The following THSD7B variants were observed in gnomAD, a reference collection of about 807,000 sequenced individuals.
The protein encoded by THSD7B is thrombospondin type-1 domain-containing protein 7B.
Under a neutral mutation model 213.6 loss-of-function variants are expected in THSD7B, and 138 were observed. The observed-to-expected ratio is 0.65, with a 90% CI of 0.56 to 0.74. The LOEUF (loss-of-function observed/expected upper bound fraction) is 0.74, where lower values mean the gene tolerates loss of function less well. THSD7B is among the 30% of genes least tolerant of loss of function. THSD7B has a pLI of 0.00. For synonymous variants in THSD7B, 742 were observed against 687.0 expected (o/e 1.08, Z -1.25); for missense variants, 1,931 against 1,991.5 (o/e 0.97, Z 0.58).
chr2:137,676,913 A>G lies in THSD7B; in HGVS notation c.*308A>G, dbSNP rs376198688. ...ACATGATGGAATTCCCACAGACTTG[A>G]GTAAACTTGATCTTCAGCAGCATAA... On this transcript the variant is annotated 3_prime_UTR_variant, in exon 28 of 28. Transcript: ENST00000409968. The G allele has an allele frequency of 1.2e-4, 29 of 242,044 alleles. No individual in the cohort carries two copies. In the South Asian group the frequency reaches 2.9e-3, roughly 24 times the overall value. The allele number at this position is 242,044 out of a possible 1,614,324, so 15.0% of individuals were successfully genotyped here. A position where few individuals can be genotyped will look rare whatever the true frequency, so the allele number is the denominator to read the frequency against.
At chr2:137,230,739 C>T (rs76748866) in intron 7 of THSD7B, among the ~76,000 whole-genome samples, 2,568 of 152,240 alleles carry the variant, frequency 0.017, 69 homozygotes, top group African/African-American at 0.059. Context: ...TGAAGAAAAG[C>T]ATATACTTGT....
chr2:137,588,379 C>G, intron 17 of THSD7B, among the ~76,000 whole-genome samples: 1 of 152,108 alleles, frequency 6.6e-6, no homozygotes, highest in South Asian at 2.1e-4. Flanking sequence ...GAGATGAACC[C>G]GGTACCTCAG....
intron 1 of THSD7B, among the ~76,000 whole-genome samples, chr2:136,869,146 ACTT>A (rs1422427064): frequency 2.0e-5 from 3 of 152,118 alleles, no homozygotes; most frequent in Non-Finnish European, 4.4e-5. Context: ...GCAATTTAGA[ACTT>A]CTTCTGTTCT....
At position 137,642,575 on chromosome 2, in the gene THSD7B, G is replaced by A; in HGVS notation, c.3887G>A (p.Cys1296Tyr). 1 of 1,613,832 alleles carries A rather than the reference G, an allele frequency of 6.2e-7. No individual in the cohort carries two copies. The highest frequency in any genetic ancestry group is 8.5e-7 in the Non-Finnish European group (1 of 1,179,840). Residue 1296 changes from cysteine (C) to tyrosine (Y), a missense_variant, in exon 21 of 28, where the codon TGC becomes TAC. Coordinates refer to ENST00000409968, the MANE Select transcript of THSD7B (RefSeq NM_001316349.2). The stretch of plus-strand genomic sequence containing the variant: ...ACAGAGCTTACCCAGGAGAAAACCT[G>A]CCCAGTGACCCCCTGCTACAGCTGG... ...CPTELTQEKTCPVTPCYSWVL... is the reference protein window; with the variant it reads ...CPTELTQEKTYPVTPCYSWVL...
chr2:137,674,797 T>G (rs980829707), intron 27 of THSD7B, among the ~76,000 whole-genome samples: 5 of 152,158 alleles, frequency 3.3e-5, no homozygotes, highest in Non-Finnish European at 5.9e-5. Context: ...ATATTCTCAA[T>G]GAGCACCCGC....
intron 1 of THSD7B, among the ~76,000 whole-genome samples, chr2:136,784,440 T>A (rs545237099): frequency 3.6e-4 from 55 of 152,276 alleles, no homozygotes; most frequent in African/African-American, 1.2e-3. Flanking sequence ...GGGCTTAGAT[T>A]ATTGCAAAGA....
At chr2:137,413,244 AT>A (rs2105015395) in intron 14 of THSD7B, among the ~76,000 whole-genome samples, 1 of 152,296 alleles carries the variant, frequency 6.6e-6, no homozygotes, top group South Asian at 2.1e-4. Flanking sequence ...TAATGGACCC[AT>A]TTTAAGGTGA....
chr2:137,123,640 G>A (rs180750586), intron 5 of THSD7B, among the ~76,000 whole-genome samples: 1 of 152,300 alleles, frequency 6.6e-6, no homozygotes, highest in Admixed American at 6.5e-5. Context: ...TTCAATGAAT[G>A]CATGTTGAAA....
At chr2:137,040,351 C>G (rs1686856651) in intron 2 of THSD7B, among the ~76,000 whole-genome samples, 1 of 151,580 alleles carries the variant, frequency 6.6e-6, no homozygotes. Flanking sequence ...CAAGAGGTAG[C>G]TATATTTCTT....
intron 15 of THSD7B, among the ~76,000 whole-genome samples, chr2:137,501,919 A>G (rs7596326): frequency 0.99 from 151,400 of 152,330 alleles, 75,248 homozygotes; most frequent in Middle Eastern, 1. Flanking sequence ...GAAGTGCTTT[A>G]TCCGCTGTGA....
chr2:137,545,632 T>C (rs912090788), intron 15 of THSD7B, among the ~76,000 whole-genome samples: 1 of 151,936 alleles, frequency 6.6e-6, no homozygotes, highest in African/African-American at 2.4e-5. Flanking sequence ...ATCAAAGCAG[T>C]GTGCTTCCTG....
rs549513742 is a variant in THSD7B, at chr2:137,588,007, G to C, written c.3423+15451G>C. ...CCCAGTTTGAGCTTCCCAGTGCTTT[G>C]TTTACATACTCAAGCCTCAGCAATG... On this transcript the variant is annotated intron_variant, in intron 17 of 27. Coordinates refer to ENST00000409968, the MANE Select transcript of THSD7B (RefSeq NM_001316349.2). Among the ~76,000 whole-genome samples the C allele has an allele frequency of 4.6e-5, 7 of 152,292 alleles. No individual in the cohort carries two copies. In the East Asian group the frequency reaches 1.4e-3, roughly 29 times the overall value.
At chr2:137,202,022 G>A (rs1417990713) in intron 7 of THSD7B, among the ~76,000 whole-genome samples, 2 of 152,052 alleles carry the variant, frequency 1.3e-5, no homozygotes, top group African/African-American at 4.8e-5. Context: ...TTCTGGATCT[G>A]GGTCCTTTGC....
chr2:137,150,921 T>TA (rs1262325474), intron 5 of THSD7B, among the ~76,000 whole-genome samples: 2 of 152,140 alleles, frequency 1.3e-5, no homozygotes, highest in Non-Finnish European at 2.9e-5. Flanking sequence ...ATAGAAAAGA[T>TA]ACAGTAAAAA....
At chr2:137,508,026 C>G (rs1161961099) in intron 15 of THSD7B, among the ~76,000 whole-genome samples, 1 of 152,130 alleles carries the variant, frequency 6.6e-6, no homozygotes, top group African/African-American at 2.4e-5. Context: ...ATAATAGTAT[C>G]TACTTCACAT....
intron 12 of THSD7B, among the ~76,000 whole-genome samples, chr2:137,303,720 A>T (rs1322592285): frequency 2.3e-5 from 3 of 128,020 alleles, no homozygotes; most frequent in African/African-American, 1.0e-4. Flanking sequence ...ATATATTTAT[A>T]TATATATTTA....
chr2:137,294,348 C>G (rs756556379), intron 12 of THSD7B, among the ~76,000 whole-genome samples: 1 of 151,674 alleles, frequency 6.6e-6, no homozygotes, highest in South Asian at 2.1e-4. Context: ...TTTGGGAGGC[C>G]GAGGCAGGTG....
rs1486584547 is a variant in THSD7B, at chr2:137,461,945, TA to T, written c.3138+10924del. 3.9e-5 allele frequency among the ~76,000 whole-genome samples: 6 copies of T among 152,304 alleles called. No individual in the cohort carries two copies. The South Asian group carries it at 1.0e-3, about 26-fold the overall frequency. The stretch of plus-strand genomic sequence containing the variant: ...GATTGGTATCAAATATGGTGTCTGT[TA>T]ATTAAACTTGTCTTTCAACTTACTT... On this transcript the variant is annotated intron_variant, in intron 15 of 27. Coordinates refer to ENST00000409968, the MANE Select transcript of THSD7B (RefSeq NM_001316349.2).
chr2:136,981,513 T>C (rs1685577650), intron 2 of THSD7B, among the ~76,000 whole-genome samples: 1 of 152,228 alleles, frequency 6.6e-6, no homozygotes, highest in Admixed American at 6.5e-5. Context: ...AATTCTATTC[T>C]AGCCATCCCT....
Sources: gnomAD v4.1 joint callset for allele counts (sites outside exome capture counted in the v4.1 genomes callset) on GRCh38, gnomAD v4.1.1 for gene constraint, MANE v1.5 for transcripts, NCBI Gene and HGNC (gene_info 2026-07-23, HGNC 2026-07-21) for gene names.